The following CLEC1A variants were observed in gnomAD, a reference collection of about 807,000 sequenced individuals.
The protein encoded by CLEC1A is C-type lectin domain family 1 member A, also known as C-type lectin-like receptor-1.
A neutral mutation model predicts 28.7 loss-of-function variants in CLEC1A; 34 were observed. The ratio of observed to expected loss-of-function variants is 1.18; its 90% CI spans 0.90 to 1.57. The LOEUF is 1.57. CLEC1A is among the 40% of genes most tolerant of loss of function. The pLI, the probability that CLEC1A is intolerant of heterozygous loss-of-function variation, is 0.00. For synonymous variants in CLEC1A, 116 were observed against 121.0 expected (o/e 0.96, Z 0.27); for missense variants, 385 against 339.5 (o/e 1.13, Z -1.05).
intron 2 of CLEC1A, among the ~76,000 whole-genome samples, chr12:10,088,281 T>A (rs772343423): frequency 6.6e-6 from 1 of 152,150 alleles, no homozygotes; most frequent in Non-Finnish European, 1.5e-5. Context: ...TCTATCACAA[T>A]GAAACAAAAC....
chr12:10,082,502 C>T lies in CLEC1A; in HGVS notation c.215-1089G>A, dbSNP rs532124364. 4.6e-5 allele frequency among the ~76,000 whole-genome samples: 7 copies of T among 152,266 alleles called. No homozygotes were observed. In the East Asian group the frequency reaches 1.3e-3, roughly 29 times the overall value. ...CCCCCATCCCCCACAGGATTCATGACAAGCCCCGTCCAAGGAGAGTGGGAG... is the reference window on the plus strand; with the variant it reads ...CCCCCATCCCCCACAGGATTCATGATAAGCCCCGTCCAAGGAGAGTGGGAG... On this transcript the variant is annotated intron_variant, in intron 2 of 5. Coordinates refer to ENST00000315330, the MANE Select transcript of CLEC1A (RefSeq NM_016511.4).
At chr12:10,085,102 G>T (rs1866458091) in intron 2 of CLEC1A, among the ~76,000 whole-genome samples, 1 of 151,246 alleles carries the variant, frequency 6.6e-6, no homozygotes, top group Non-Finnish European at 1.5e-5. Context: ...TACAAGAAAT[G>T]CTAAAAGGAG....
At chr12:10,094,930 T>C (rs1185747531) in intron 1 of CLEC1A, among the ~76,000 whole-genome samples, 1 of 152,126 alleles carries the variant, frequency 6.6e-6, no homozygotes, top group Non-Finnish European at 1.5e-5. Flanking sequence ...ATCATGTCAC[T>C]TCCTCTGGGA....
chr12:10,087,528 T>G (rs1447723950), intron 2 of CLEC1A, among the ~76,000 whole-genome samples: 13 of 130,858 alleles, frequency 9.9e-5, no homozygotes, highest in Middle Eastern at 4.5e-3. Context: ...ATTTGTTTTT[T>G]TTTTTTTTAG....
At chr12:10,079,968 T>C (rs747607496) in intron 3 of CLEC1A, among the ~76,000 whole-genome samples, 2 of 152,200 alleles carry the variant, frequency 1.3e-5, no homozygotes, top group Non-Finnish European at 2.9e-5. Context: ...TTTGAAGATA[T>C]GGCAACCAAC....
chr12:10,097,435 T>G (rs1337368104), intron 1 of CLEC1A, among the ~76,000 whole-genome samples: 2 of 152,216 alleles, frequency 1.3e-5, no homozygotes, highest in Non-Finnish European at 2.9e-5. Context: ...CCTAAATGTT[T>G]GTATTACCAT....
Position 10,084,837 on chromosome 12 carries a change from A to G in CLEC1A, c.215-3424T>C, listed in dbSNP as rs1331738966. Among the ~76,000 whole-genome samples the G allele has an allele frequency of 4.0e-5, 6 of 150,500 alleles. No individual in the cohort carries two copies. In the South Asian group the frequency reaches 1.0e-3, roughly 26 times the overall value. Reference sequence around the variant, plus strand: ...ACTCTGTATCAAAAAAAAAAAAAAAAAAAAAAGAAAAGAAAATGTTGTAAG... The same window carrying G: ...ACTCTGTATCAAAAAAAAAAAAAAAGAAAAAAGAAAAGAAAATGTTGTAAG... On this transcript the variant is annotated intron_variant, in intron 2 of 5. Transcript: ENST00000315330.
intron 3 of CLEC1A, among the ~76,000 whole-genome samples, chr12:10,078,882 G>C (rs1349386143): frequency 3.3e-5 from 5 of 152,026 alleles, no homozygotes; most frequent in African/African-American, 1.2e-4. Context: ...AAAGAGCCTG[G>C]CATGTCTCTC....
intron 1 of CLEC1A, among the ~76,000 whole-genome samples, chr12:10,089,887 T>G (rs971952059): frequency 6.6e-6 from 1 of 152,176 alleles, no homozygotes; most frequent in East Asian, 1.9e-4. Flanking sequence ...TCTAAACTAT[T>G]TTTGCAACAG....
At chr12:10,076,525 G>A (rs1256223457) in intron 3 of CLEC1A, among the ~76,000 whole-genome samples, 1 of 152,096 alleles carries the variant, frequency 6.6e-6, no homozygotes, top group Non-Finnish European at 1.5e-5. Context: ...GTCATGTTAT[G>A]AAAAACTTGC....
In CLEC1A at chr12:10,081,406, C is replaced by T. The variant is rs145645291; in HGVS notation, c.222G>A (p.Gln74=). The T allele has an allele frequency of 1.1e-5, 17 of 1,591,672 alleles. No individual in the cohort carries two copies. The African/African-American group carries it at 1.9e-4, about 18-fold the overall frequency. Residue 74 remains glutamine (Q), a synonymous_variant, in exon 3 of 6, where the codon CAG becomes CAA. Coordinates refer to ENST00000315330, the MANE Select transcript of CLEC1A (RefSeq NM_016511.4). The stretch of plus-strand genomic sequence containing the variant: ...GACCAGTATTGGAGAGCTGGTAGTA[C>T]TGAAAAACTAACCCAAATGACCAAG... ...GLAALGLLFF[Q]YYQLSNTGQD...
chr12:10,075,637 C>G lies in CLEC1A; in HGVS notation c.410G>C (p.Cys137Ser), dbSNP rs1490489728. The G allele has an allele frequency of 6.2e-7, 1 of 1,613,790 alleles. No individual in the cohort carries two copies. The highest frequency in any genetic ancestry group is 2.2e-5 in the East Asian group (1 of 44,888). Reference protein sequence around the residue: ...NKAGAHRCSPCTEQWKWHGDN... With the variant: ...NKAGAHRCSPSTEQWKWHGDN... Reference sequence around the variant, plus strand: ...TCCATGCCATTTCCATTGTTCTGTACAAGGGCTGCACCTGTGTGCTTGGAA... The same window carrying G: ...TCCATGCCATTTCCATTGTTCTGTAGAAGGGCTGCACCTGTGTGCTTGGAA... The change falls in exon 4 of 6, where the codon TGT becomes TCT. Residue 137 changes from cysteine to serine, a missense_variant. Cys to Ser is a moderately radical substitution (Grantham distance 112). Transcript: ENST00000315330.
At chr12:10,086,227 A>G (rs77228788) in intron 2 of CLEC1A, among the ~76,000 whole-genome samples, 3,440 of 152,310 alleles carry the variant, frequency 0.023, 135 homozygotes, top group African/African-American at 0.079. Flanking sequence ...AAATGACTAC[A>G]TCAAAATGTC....
intron 2 of CLEC1A, among the ~76,000 whole-genome samples, chr12:10,083,708 G>C (rs1866417940): frequency 1.3e-5 from 2 of 152,070 alleles, no homozygotes; most frequent in African/African-American, 4.8e-5. Flanking sequence ...CCTGACCTCA[G>C]GAGATCTGCC....
Position 10,076,543 on chromosome 12 carries a change from C to T in CLEC1A, c.392-888G>A, listed in dbSNP as rs1055301813. 2.0e-5 allele frequency among the ~76,000 whole-genome samples: 3 copies of T among 152,092 alleles called. No individual in the cohort carries two copies. The South Asian group carries it at 6.2e-4, about 32-fold the overall frequency. ...ATGTTATGAAAAACTTGCTGTGGAG[C>T]TCAATAGCTTTTGCACTCTCTCAGA... On this transcript the variant is annotated intron_variant, in intron 3 of 5. Coordinates refer to ENST00000315330, the MANE Select transcript of CLEC1A (RefSeq NM_016511.4).
intron 2 of CLEC1A, among the ~76,000 whole-genome samples, chr12:10,086,090 G>T (rs944542196): frequency 6.6e-6 from 1 of 152,062 alleles, no homozygotes; most frequent in South Asian, 2.1e-4. Context: ...AATGATCTTT[G>T]GGTAAACAAC....
At chr12:10,084,665 A>G (rs893945441) in intron 2 of CLEC1A, among the ~76,000 whole-genome samples, 2 of 151,912 alleles carry the variant, frequency 1.3e-5, no homozygotes, top group African/African-American at 4.8e-5. Context: ...CACTAAAAAT[A>G]CAAAAAATTA....
At chr12:10,076,554 T>C (rs1300007137) in intron 3 of CLEC1A, among the ~76,000 whole-genome samples, 1 of 152,132 alleles carries the variant, frequency 6.6e-6, no homozygotes, top group Non-Finnish European at 1.5e-5. Flanking sequence ...TCAATAGCTT[T>C]TGCACTCTCT....
intron 1 of CLEC1A, among the ~76,000 whole-genome samples, chr12:10,093,057 A>ACTTTTT (rs1947727622): frequency 6.6e-6 from 1 of 152,102 alleles, no homozygotes; most frequent in Non-Finnish European, 1.5e-5. Flanking sequence ...TGAAAGTTTC[A>ACTTTTT]CTTTTTCTTT....
Sources: allele counts gnomAD v4.1 joint callset (sites outside exome capture counted in the v4.1 genomes callset), GRCh38; gene constraint gnomAD v4.1.1; transcripts MANE v1.5; gene names NCBI Gene and HGNC (gene_info 2026-07-23, HGNC 2026-07-21).